Variants in TTC3 observed in about 807,000 individuals in gnomAD.
The protein encoded by TTC3 is tetratricopeptide repeat domain 3.
TTC3 carries 180 observed loss-of-function variants against 249.6 expected under a neutral mutation model. That is an observed-to-expected ratio of 0.72 (90% CI 0.64 to 0.82). The LOEUF (loss-of-function observed/expected upper bound fraction) is 0.82. Among genes scored for constraint, TTC3 ranks in the 40% least tolerant of loss-of-function variants. The pLI is 0.00. For missense variants in TTC3, 2,061 were observed against 2,398.4 expected, an observed-to-expected ratio of 0.86 and a Z score of 2.94; for synonymous variants, 717 against 805.0, an observed-to-expected ratio of 0.89 and a Z score of 1.85.
Position 37,197,958 on chromosome 21 carries a change from C to A in TTC3, c.5783C>A (p.Pro1928His), listed in dbSNP as rs756094763. 9.3e-6 allele frequency: 15 copies of A among 1,613,844 alleles called. No homozygotes were observed. Among genetic ancestry groups the A allele is most frequent in the South Asian group, 5.5e-5 (5 of 91,064 alleles). The change falls in exon 44 of 46, where the codon CCC becomes CAC. Residue 1928 changes from proline (P) to histidine (H), a missense_variant. Transcript: ENST00000355666. Reference sequence around the variant, plus strand: ...GTGACCAGGTCCTCCCAGGGCTCACCCTCGGTGGTTGTTGCACCATCACCC... The same window carrying A: ...GTGACCAGGTCCTCCCAGGGCTCACACTCGGTGGTTGTTGCACCATCACCC...
chr21:37,085,907 T>A (rs995556762), intron 1 of TTC3: 2 of 152,232 alleles, frequency 1.3e-5, no homozygotes, highest in Non-Finnish European at 2.9e-5. Context: ...CTATGGCAAC[T>A]AAAGACTGGA....
At chr21:37,103,910 T>G (rs1403034156) in intron 10 of TTC3, among the ~76,000 whole-genome samples, 2 of 152,006 alleles carry the variant, frequency 1.3e-5, no homozygotes, top group Non-Finnish European at 2.9e-5. Flanking sequence ...AATAAGAAAG[T>G]AAAGGATTTT....
At chr21:37,146,715 G>C (rs997183253) in intron 21 of TTC3, among the ~76,000 whole-genome samples, 5 of 152,186 alleles carry the variant, frequency 3.3e-5, no homozygotes, top group Non-Finnish European at 7.3e-5. Flanking sequence ...AAAATGAGGA[G>C]GGACTGCTAA....
intron 32 of TTC3, among the ~76,000 whole-genome samples, chr21:37,165,034 G>A (rs2081123270): frequency 6.6e-6 from 1 of 152,168 alleles, no homozygotes; most frequent in Admixed American, 6.5e-5. Flanking sequence ...ACTCTTGGGT[G>A]ACAGTGTGGA....
chr21:37,088,834 TACA>T, exon 5 of TTC3: 1 of 1,613,652 alleles, frequency 6.2e-7, no homozygotes. Flanking sequence ...TTGAAGAAAC[TACA>T]ACATCTTGAG....
At chr21:37,080,841 C>T (rs2071540485) in intron 1 of TTC3, among the ~76,000 whole-genome samples, 1 of 151,760 alleles carries the variant, frequency 6.6e-6, no homozygotes, top group African/African-American at 2.4e-5. Context: ...TTAAGTGTCT[C>T]TTATAAGGGA....
At chr21:37,183,045 T>C in intron 36 of TTC3, 132 bp downstream of exon 36, 1 of 856,540 alleles carries the variant, frequency 1.2e-6, no homozygotes, top group Admixed American at 3.8e-5. Context: ...TTTCATTGTT[T>C]TGTCTCATTT....
At chr21:37,154,566 C>T (rs1569078722) in intron 27 of TTC3, among the ~76,000 whole-genome samples, 1 of 152,112 alleles carries the variant, frequency 6.6e-6, no homozygotes. Flanking sequence ...AATAGGTTTG[C>T]CTGGGTTATG....
intron 10 of TTC3, among the ~76,000 whole-genome samples, chr21:37,107,398 G>A (rs926415859): frequency 2.0e-5 from 3 of 152,124 alleles, no homozygotes; most frequent in African/African-American, 7.2e-5. Flanking sequence ...TAAGTTCCAG[G>A]GGTGCAGTGA....
chr21:37,152,474 C>G (rs2079569384), intron 26 of TTC3, among the ~76,000 whole-genome samples: 1 of 151,382 alleles, frequency 6.6e-6, no homozygotes. Flanking sequence ...GCAAGCTCCG[C>G]CTCCCGGGTT....
At chr21:37,197,420 GTTA>G (rs1401734900) in intron 42 of TTC3, 147 bp from the exon 43 acceptor site, 20 of 910,224 alleles carry the variant, frequency 2.2e-5, no homozygotes, top group African/African-American at 5.1e-5. Context: ...TTTTTAGATA[GTTA>G]TTGTTGTTAT....
chr21:37,090,880 TGGA>T (rs2073176666), intron 6 of TTC3, among the ~76,000 whole-genome samples: 2 of 152,178 alleles, frequency 1.3e-5, no homozygotes, highest in Admixed American at 6.5e-5. Flanking sequence ...GTAGTTCCTT[TGGA>T]GAACTTTAAT....
chr21:37,158,246 G>A, intron 28 of TTC3: 12 of 972,470 alleles, frequency 1.2e-5, no homozygotes, highest in Non-Finnish European at 1.2e-5. Context: ...AAAACCTGAT[G>A]CATGTTTGGA....
chr21:37,074,782 C>T (rs1468791301), intron 1 of TTC3, among the ~76,000 whole-genome samples: 1 of 152,214 alleles, frequency 6.6e-6, no homozygotes, highest in Non-Finnish European at 1.5e-5. Flanking sequence ...AGGTTTCGTG[C>T]TCTGCGCTCA....
intron 19 of TTC3, among the ~76,000 whole-genome samples, chr21:37,139,699 T>G (rs181948765): frequency 6.6e-6 from 1 of 152,272 alleles, no homozygotes; most frequent in Non-Finnish European, 1.5e-5. Flanking sequence ...CTTCATGATT[T>G]TCATTTTATT....
chr21:37,124,666 T>C, exon 14 of TTC3: 1 of 1,613,520 alleles, frequency 6.2e-7, no homozygotes, highest in African/African-American at 1.3e-5. Flanking sequence ...ACTACTTCAC[T>C]TAACTTTGTG....
chr21:37,083,056 A>G lies in TTC3; in HGVS notation c.-11-4191A>G, dbSNP rs115202831. Reference sequence around the variant, plus strand: ...GAGATAAACCTGTGATGGTCAAACAATGTGAAAACTGCTGTCAGAGACATG... The same window carrying G: ...GAGATAAACCTGTGATGGTCAAACAGTGTGAAAACTGCTGTCAGAGACATG... On this transcript the variant is annotated intron_variant, in intron 1 of 45. Coordinates refer to ENST00000355666, the Ensembl canonical transcript of TTC3. 1,826 of 985,462 alleles carry G rather than the reference A, an allele frequency of 1.9e-3. 21 individuals carry two copies. In the African/African-American group the frequency reaches 0.029, roughly 15 times the overall value. 61.0% of individuals were successfully genotyped at this position (985,462 alleles called of 1,614,324 possible).
intron 22 of TTC3, among the ~76,000 whole-genome samples, 174 bp downstream of exon 22, chr21:37,147,777 G>A (rs2079107240): frequency 6.6e-6 from 1 of 150,724 alleles, no homozygotes; most frequent in Admixed American, 6.6e-5. Flanking sequence ...CACCCAGGCT[G>A]GAGTGCAGTG....
intron 32 of TTC3, 51 bp downstream of exon 32, chr21:37,164,266 T>C: frequency 7.0e-7 from 1 of 1,437,426 alleles, no homozygotes; most frequent in Non-Finnish European, 9.3e-7. Flanking sequence ...AGGCTGCCAA[T>C]TAAAGATCAG....
Sources: gnomAD v4.1 joint callset for allele counts (sites outside exome capture counted in the v4.1 genomes callset) on GRCh38, gnomAD v4.1.1 for gene constraint, MANE v1.5 for transcripts, NCBI Gene and HGNC (gene_info 2026-07-23, HGNC 2026-07-21) for gene names.